IGSF3: variants seen among roughly 807,000 people sequenced by gnomAD.
IGSF3 encodes glu-Trp-Ile EWI motif-containing protein 3.
Under a neutral mutation model 114.4 loss-of-function variants are expected in IGSF3, and 23 were observed. That is an observed-to-expected ratio of 0.20 (90% confidence interval 0.14 to 0.28). The LOEUF (loss-of-function observed/expected upper bound fraction) is 0.28. Ranked by LOEUF, IGSF3 falls within the 10% of genes least tolerant of loss-of-function variation. The pLI is 1.00. For synonymous variants in IGSF3, 571 were observed against 645.2 expected (o/e 0.88, Z 1.74); for missense variants, 1,172 against 1,591.5 (o/e 0.74, Z 4.48).
Position 116,667,369 on chromosome 1 carries a change from G to T in IGSF3, c.-631+249C>A, listed in dbSNP as rs541254370. 6.7e-3 allele frequency among the ~76,000 whole-genome samples: 1,021 copies of T among 152,278 alleles called. 12 individuals are homozygous for T. The highest frequency in any genetic ancestry group is 0.023 in the African/African-American group (956 of 41,572). The stretch of plus-strand genomic sequence containing the variant: ...CCCCGCTATTGTTTTACCTTGCAGG[G>T]TGTTTATATCTCGCTGATTGGAAAG... On this transcript the variant is annotated intron_variant, in intron 1 of 10. Transcript: ENST00000369486.
At chr1:116,599,859 AG>A (rs1419133079) in intron 7 of IGSF3, 81 bp downstream of exon 7, 1 of 1,271,416 alleles carries the variant, frequency 7.9e-7, no homozygotes, top group Non-Finnish European at 1.1e-6. Context: ...AGTGACGCTA[AG>A]GGCTCCACGC....
At chr1:116,591,369 T>C (rs1429518809) in intron 7 of IGSF3, among the ~76,000 whole-genome samples, 2 of 152,028 alleles carry the variant, frequency 1.3e-5, no homozygotes, top group Admixed American at 1.3e-4. Context: ...CAGCATGGAG[T>C]AGAAAGAGCT....
At position 116,665,347 on chromosome 1, in the gene IGSF3, AG is replaced by A. The variant is rs1649286362; in HGVS notation, c.43+936del. On this transcript the variant is annotated intron_variant, in intron 2 of 10. Transcript: ENST00000369486. The surrounding 1 kb of genome is among the most constrained non-coding windows in gnomAD (Gnocchi z 4.0). ...AACAATCATAATCCCTTCTGAATGC[AG>A]AGGACCGAGCCTTACAGAGAGGGCA... Among the ~76,000 whole-genome samples, 1 of 152,220 alleles carries A rather than the reference AG, an allele frequency of 6.6e-6. No individual in the cohort carries two copies. The highest frequency in any genetic ancestry group is 2.4e-5 in the African/African-American group (1 of 41,446).
rs1489039412 is a variant in IGSF3 at position 116,644,133 on chromosome 1, G to A, written c.43+22151C>T. Among the ~76,000 whole-genome samples, 1 of 152,170 alleles carries A rather than the reference G, an allele frequency of 6.6e-6. No individual in the cohort carries two copies. The highest frequency in any genetic ancestry group is 2.4e-5 in the African/African-American group (1 of 41,432). On this transcript the variant is annotated intron_variant, in intron 2 of 10. Coordinates refer to ENST00000369486, the MANE Select transcript of IGSF3 (RefSeq NM_001007237.3). This position sits in a 1 kb window ranked among gnomAD's most constrained non-coding sequence, Gnocchi z 5.6. ...TATCAGTGGTCCCCACTCAGGAAACGTGCCCACAAATAAAGACAAAAGTAA... is the reference window on the plus strand; with the variant it reads ...TATCAGTGGTCCCCACTCAGGAAACATGCCCACAAATAAAGACAAAAGTAA...
intron 5 of IGSF3, among the ~76,000 whole-genome samples, chr1:116,606,037 C>T (rs1360966923): frequency 6.6e-6 from 1 of 152,224 alleles, no homozygotes; most frequent in Non-Finnish European, 1.5e-5. Context: ...AGACCTGGTG[C>T]CTCACTGCCC....
rs568185950 is a variant in IGSF3 at position 116,623,911 on chromosome 1, C to T, written c.44-7454G>A. Among the ~76,000 whole-genome samples the T allele has an allele frequency of 6.8e-3, 1,030 of 150,922 alleles. 2 individuals are homozygous for T. The highest frequency in any genetic ancestry group is 0.012 in the Admixed American group (177 of 15,158). On this transcript the variant is annotated intron_variant, in intron 2 of 10. Transcript: ENST00000369486. ...GACCAGCCTGGCCAATATGGTGAAA[C>T]CCTGTCCCTACTGAAAATACAAAAA...
At position 116,616,594 on chromosome 1, in the gene IGSF3, C is replaced by T. The variant is rs760436042; in HGVS notation, c.44-137G>A. The T allele has an allele frequency of 2.4e-5, 16 of 660,900 alleles. No homozygotes were observed. The highest frequency in any genetic ancestry group is 1.1e-4 in the East Asian group (4 of 35,924). 40.9% of individuals were successfully genotyped at this position (660,900 alleles called of 1,614,324 possible). A position where few individuals can be genotyped will look rare whatever the true frequency, so the allele number is the denominator to read the frequency against. ...AACAGCTTACTGGCCCTTTCAAAGG[C>T]GCTTTGTGATTTATAAATATTAATT... On this transcript the variant is annotated intron_variant, in intron 2 of 10. Transcript: ENST00000369486. The surrounding 1 kb of genome is among the most constrained non-coding windows in gnomAD (Gnocchi z 6.6).
rs1272036088 is a variant in IGSF3, at chr1:116,634,302, AG to A, written c.44-17846del. 6.6e-6 allele frequency among the ~76,000 whole-genome samples: 1 copy of A among 152,240 alleles called. No individual in the cohort carries two copies. The highest frequency in any genetic ancestry group is 1.5e-5 in the Non-Finnish European group (1 of 68,042). On this transcript the variant is annotated intron_variant, in intron 2 of 10. Coordinates refer to ENST00000369486, the MANE Select transcript of IGSF3 (RefSeq NM_001007237.3). This position sits in a 1 kb window ranked among gnomAD's most constrained non-coding sequence, Gnocchi z 4.2. The stretch of plus-strand genomic sequence containing the variant: ...TAATAAAACGCTGTTTAAAAATCTA[AG>A]AGGAAAAAAGGGTAGGCTCCAGCTA...
chr1:116,660,410 C>T (rs1387218504), intron 2 of IGSF3, among the ~76,000 whole-genome samples: 5 of 152,164 alleles, frequency 3.3e-5, no homozygotes, highest in Non-Finnish European at 7.4e-5. Flanking sequence ...AAGTGATCTC[C>T]CTGCTTCTGC....
At position 116,576,789 on chromosome 1, in the gene IGSF3, A is replaced by C. The variant is rs1027161853; in HGVS notation, c.*523T>G. ...TTCTTAAGTCTTGTTAAGAAAGTAA[A>C]AAACGTTTGGGTATATTTTGATCCA... On this transcript the variant is annotated 3_prime_UTR_variant, in exon 11 of 11. Transcript: ENST00000369486. The surrounding 1 kb of genome is among the most constrained non-coding windows in gnomAD (Gnocchi z 4.6). 1 of 153,368 alleles carries C rather than the reference A, an allele frequency of 6.5e-6. No individual in the cohort carries two copies. The highest frequency in any genetic ancestry group is 1.5e-5 in the Non-Finnish European group (1 of 68,610). The allele number at this position is 153,368 out of a possible 1,614,324, so 9.5% of individuals were successfully genotyped here. A position where few individuals can be genotyped will look rare whatever the true frequency, so the allele number is the denominator to read the frequency against.
chr1:116,608,261 T>A lies in IGSF3; in HGVS notation c.903A>T (p.Arg301Ser). ...LHTVGEPVEF[R>S]CILEAQNVPD... Reference sequence around the variant, plus strand: ...GAACATTCTGAGCCTCCAGGATGCATCTGAACTCCACCGGCTCGCCCACCG... The same window carrying A: ...GAACATTCTGAGCCTCCAGGATGCAACTGAACTCCACCGGCTCGCCCACCG... Residue 301 changes from arginine (R) to serine (S), a missense_variant, in exon 5 of 11, where the codon AGA becomes AGT. Physicochemically the swap from Arg to Ser is moderately radical, Grantham distance 110 (BLOSUM62 -1). Transcript: ENST00000369486. 1 of 1,612,674 alleles carries A rather than the reference T, an allele frequency of 6.2e-7. No homozygotes were observed. The highest frequency in any genetic ancestry group is 8.5e-7 in the Non-Finnish European group (1 of 1,178,862).
chr1:116,602,841 G>A (rs976735138), intron 6 of IGSF3, among the ~76,000 whole-genome samples: 2 of 152,218 alleles, frequency 1.3e-5, no homozygotes, highest in African/African-American at 2.4e-5. Flanking sequence ...TTATATCCAG[G>A]CAGATAAATG....
intron 2 of IGSF3, among the ~76,000 whole-genome samples, chr1:116,643,356 T>A (rs1466337605): frequency 6.6e-6 from 1 of 152,188 alleles, no homozygotes; most frequent in Non-Finnish European, 1.5e-5. Flanking sequence ...CAGCTACTTC[T>A]CCATTCATGC....
Position 116,625,388 on chromosome 1 carries a change from C to T in IGSF3, c.44-8931G>A, listed in dbSNP as rs1287880461. Reference sequence around the variant, plus strand: ...TCCCAAAGCACAAGGGAAATATATACCACGTGAAAACACTGCAGTGCATTC... The same window carrying T: ...TCCCAAAGCACAAGGGAAATATATATCACGTGAAAACACTGCAGTGCATTC... On this transcript the variant is annotated intron_variant, in intron 2 of 10. Coordinates refer to ENST00000369486, the MANE Select transcript of IGSF3 (RefSeq NM_001007237.3). The surrounding 1 kb of genome is among the most constrained non-coding windows in gnomAD (Gnocchi z 4.7). Among the ~76,000 whole-genome samples, 3 of 152,192 alleles carry T rather than the reference C, an allele frequency of 2.0e-5. No homozygotes were observed. In the East Asian group the frequency reaches 5.8e-4, roughly 29 times the overall value.
intron 2 of IGSF3, among the ~76,000 whole-genome samples, chr1:116,645,999 C>T (rs750239005): frequency 3.3e-5 from 5 of 152,172 alleles, no homozygotes; most frequent in African/African-American, 4.8e-5. Context: ...GAGCCAGGGC[C>T]GAATTGCTGC....
At position 116,636,765 on chromosome 1, in the gene IGSF3, C is replaced by T. The variant is rs1279716151; in HGVS notation, c.44-20308G>A. ...CCCAGCTTTCTCACCACCCACCCCA[C>T]CCCTTCCACACTCCAAAGACAGCAT... is the stretch of plus-strand genomic sequence containing the variant. On this transcript the variant is annotated intron_variant, in intron 2 of 10. Coordinates refer to ENST00000369486, the MANE Select transcript of IGSF3 (RefSeq NM_001007237.3). This position sits in a 1 kb window ranked among gnomAD's most constrained non-coding sequence, Gnocchi z 4.5. Among the ~76,000 whole-genome samples, 1 of 152,122 alleles carries T rather than the reference C, an allele frequency of 6.6e-6. No homozygotes were observed. Among genetic ancestry groups the T allele is most frequent in the Non-Finnish European group, 1.5e-5 (1 of 68,016 alleles).
intron 7 of IGSF3, among the ~76,000 whole-genome samples, chr1:116,590,477 G>A (rs1437914520): frequency 6.6e-6 from 1 of 152,154 alleles, no homozygotes; most frequent in Non-Finnish European, 1.5e-5. Flanking sequence ...TTCCGCCACA[G>A]GGACCAAACC....
rs939774943 is a variant in IGSF3 at position 116,644,483 on chromosome 1, G to A, written c.43+21801C>T. ...GTGGCTTCTGCATGCAGGTTCATTT[G>A]GGACAGGACACCTCTAACTCCATCT... On this transcript the variant is annotated intron_variant, in intron 2 of 10. Transcript: ENST00000369486. The surrounding 1 kb of genome is among the most constrained non-coding windows in gnomAD (Gnocchi z 5.6). 2.0e-5 allele frequency among the ~76,000 whole-genome samples: 3 copies of A among 152,198 alleles called. No homozygotes were observed. Among genetic ancestry groups the A allele is most frequent in the African/African-American group, 7.2e-5 (3 of 41,450 alleles).
intron 2 of IGSF3, among the ~76,000 whole-genome samples, chr1:116,659,060 A>G (rs1315209248): frequency 6.6e-6 from 1 of 152,258 alleles, no homozygotes; most frequent in African/African-American, 2.4e-5. Flanking sequence ...TTTTTAAAAT[A>G]CAACTGACCA....
Sources: gnomAD v4.1 joint callset for allele counts (sites outside exome capture counted in the v4.1 genomes callset) on GRCh38, gnomAD v4.1.1 for gene constraint, Gnocchi (gnomAD v3.1) non-coding constraint, MANE v1.5 for transcripts, NCBI Gene and HGNC (gene_info 2026-07-23, HGNC 2026-07-21) for gene names.